C1orf87: variants seen among roughly 807,000 people sequenced by gnomAD.
The protein encoded by C1orf87 is uncharacterized protein C1orf87.
Under a neutral mutation model 60.5 loss-of-function variants are expected in C1orf87, and 58 were observed. That is an observed-to-expected ratio of 0.96 (90% confidence interval 0.78 to 1.19). The LOEUF is 1.19. C1orf87 is among the 50% of genes most tolerant of loss of function. The pLI is 0.00. For synonymous variants in C1orf87, 236 were observed against 227.4 expected (o/e 1.04, Z -0.34); for missense variants, 673 against 638.6 (o/e 1.05, Z -0.58).
At chr1:60,061,776 CAAAA>C (rs57844722) in intron 2 of C1orf87, among the ~76,000 whole-genome samples, 2 of 53,154 alleles carry the variant, frequency 3.8e-5, no homozygotes, top group African/African-American at 1.5e-4. Context: ...CCATCTCTAC[CAAAA>C]AAAAAAAAAA....
intron 6 of C1orf87, 107 bp from the exon 7 acceptor site, chr1:60,033,748 G>A: frequency 7.6e-6 from 10 of 1,308,172 alleles, no homozygotes; most frequent in East Asian, 2.4e-5. Flanking sequence ...TGGAACCAGA[G>A]AGCCCATCTA....
At chr1:60,017,463 CT>C (rs1311827793) in intron 8 of C1orf87, among the ~76,000 whole-genome samples, 3 of 152,302 alleles carry the variant, frequency 2.0e-5, no homozygotes, top group Admixed American at 6.5e-5. Context: ...AATTGCTCCC[CT>C]CTTTTCATGA....
Position 60,033,648 on chromosome 1 carries a change from G to T in C1orf87, c.864-7C>A. ...GGAGTGCTGAGGTGGAGTGCTGATT[G>T]TAGGGGAAATGGGGAAGGCTATGAA... On this transcript the variant is annotated splice_polypyrimidine_tract_variant and splice_region_variant and intron_variant, in intron 6 of 11. Transcript: ENST00000371201. The T allele has an allele frequency of 1.2e-6, 2 of 1,608,660 alleles. No individual in the cohort carries two copies. Among genetic ancestry groups the T allele is most frequent in the Non-Finnish European group, 1.7e-6 (2 of 1,177,422 alleles).
rs776548493 is a variant in C1orf87 at position 60,033,630 on chromosome 1, T to C, written c.875A>G (p.Gln292Arg). ...CACTTCTGGCTGTGAGCTGGAGTGC[T>C]GAGGTGGAGTGCTGATTGTAGGGGA... ...HGTHSQSTPP[Q>R]HSSSQPEVNR... Residue 292 changes from glutamine to arginine, a missense_variant, in exon 7 of 12, where the codon CAG becomes CGG. By Grantham distance (43) the Gln-to-Arg change is conservative. Transcript: ENST00000371201. 3 of 1,612,046 alleles carry C rather than the reference T, an allele frequency of 1.9e-6. No homozygotes were observed. The African/African-American group carries it at 4.0e-5, about 22-fold the overall frequency.
chr1:60,018,920 G>T (rs1034774482), intron 8 of C1orf87, among the ~76,000 whole-genome samples: 2 of 152,030 alleles, frequency 1.3e-5, no homozygotes, highest in Non-Finnish European at 2.9e-5. Context: ...TTTCCCATTA[G>T]AATATAAGTT....
chr1:60,046,836 G>C (rs527489151), intron 3 of C1orf87, among the ~76,000 whole-genome samples: 1 of 152,260 alleles, frequency 6.6e-6, no homozygotes, highest in South Asian at 2.1e-4. Flanking sequence ...GAACTGTAGA[G>C]TTTTACACAG....
intron 2 of C1orf87, among the ~76,000 whole-genome samples, chr1:60,070,713 T>G (rs571988420): frequency 1.0e-3 from 157 of 152,266 alleles, no homozygotes; most frequent in African/African-American, 3.6e-3. Context: ...ATAGGAGAGA[T>G]AGAACTGCAT....
At chr1:60,050,648 G>T (rs74085892) in intron 3 of C1orf87, among the ~76,000 whole-genome samples, 4,283 of 151,604 alleles carry the variant, frequency 0.028, 110 homozygotes, top group African/African-American at 0.059. Context: ...TTATGTAATT[G>T]CATTGGCAAA....
At chr1:59,995,433 C>T (rs1408427446) in intron 11 of C1orf87, among the ~76,000 whole-genome samples, 1 of 152,162 alleles carries the variant, frequency 6.6e-6, no homozygotes, top group Non-Finnish European at 1.5e-5. Flanking sequence ...AGAATGAAGC[C>T]TCATCCTATC....
At chr1:60,061,055 C>T (rs1037206908) in intron 2 of C1orf87, among the ~76,000 whole-genome samples, 5 of 152,192 alleles carry the variant, frequency 3.3e-5, no homozygotes, top group Admixed American at 3.3e-4. Context: ...TATCCATACT[C>T]TGAGAGGATG....
rs1044703504 is a variant in C1orf87, at chr1:60,039,619, G to C, written c.747+298C>G. 2.6e-5 allele frequency among the ~76,000 whole-genome samples: 4 copies of C among 152,184 alleles called. No homozygotes were observed. In the South Asian group the frequency reaches 8.3e-4, roughly 32 times the overall value. On this transcript the variant is annotated intron_variant, in intron 5 of 11. Coordinates refer to ENST00000371201, the MANE Select transcript of C1orf87 (RefSeq NM_152377.3). ...TGCAGACTAAGCTAGCTCATGAATG[G>C]ACTTGCGTGGGCCCATTTTCTTGAA...
At chr1:60,043,942 C>T (rs1008121542) in intron 3 of C1orf87, among the ~76,000 whole-genome samples, 2 of 152,210 alleles carry the variant, frequency 1.3e-5, no homozygotes, top group African/African-American at 2.4e-5. Context: ...CTTGACACTA[C>T]AGATACAAAT....
intron 7 of C1orf87, among the ~76,000 whole-genome samples, chr1:60,028,083 T>C (rs964418863): frequency 4.6e-5 from 7 of 152,184 alleles, no homozygotes; most frequent in African/African-American, 1.2e-4. Flanking sequence ...ATGCATGAGC[T>C]GAATTCACTG....
chr1:60,044,334 A>G (rs562044090), intron 3 of C1orf87, among the ~76,000 whole-genome samples: 152 of 152,312 alleles, frequency 1.0e-3, no homozygotes, highest in Middle Eastern at 6.8e-3. Flanking sequence ...CCAGCCACAG[A>G]CTAAGTTTTC....
chr1:60,038,808 AG>A (rs1249756021), intron 5 of C1orf87, among the ~76,000 whole-genome samples: 1 of 152,200 alleles, frequency 6.6e-6, no homozygotes, highest in Non-Finnish European at 1.5e-5. Context: ...AAAGGACTGA[AG>A]GAATGTCATC....
intron 3 of C1orf87, among the ~76,000 whole-genome samples, chr1:60,052,852 C>T (rs1393287547): frequency 1.3e-5 from 2 of 152,228 alleles, no homozygotes; most frequent in East Asian, 3.9e-4. Context: ...CTGTACCAGG[C>T]AACTGTGGCT....
chr1:60,001,570 T>G (rs146965812), intron 9 of C1orf87, among the ~76,000 whole-genome samples: 1 of 152,032 alleles, frequency 6.6e-6, no homozygotes, highest in South Asian at 2.1e-4. Context: ...AGAGGAGTTA[T>G]CCAGGCAAAG....
intron 2 of C1orf87, among the ~76,000 whole-genome samples, chr1:60,072,261 C>G (rs1574334497): frequency 6.6e-6 from 1 of 152,238 alleles, no homozygotes; most frequent in Non-Finnish European, 1.5e-5. Flanking sequence ...CAGCAGTGCT[C>G]CATTAATATT....
intron 2 of C1orf87, among the ~76,000 whole-genome samples, chr1:60,071,118 C>T (rs1645581516): frequency 6.6e-6 from 1 of 152,086 alleles, no homozygotes; most frequent in South Asian, 2.1e-4. Context: ...ACAAAACAGA[C>T]ATAAACTGTG....
Sources: allele counts gnomAD v4.1 joint callset (sites outside exome capture counted in the v4.1 genomes callset), GRCh38; gene constraint gnomAD v4.1.1; transcripts MANE v1.5; gene names NCBI Gene and HGNC (gene_info 2026-07-23, HGNC 2026-07-21).